Variants in APOBEC3D observed in about 807,000 individuals in gnomAD.
APOBEC3D encodes DNA dC->dU-editing enzyme APOBEC-3D.
A neutral mutation model predicts 45.6 loss-of-function variants in APOBEC3D; 37 were observed. The observed-to-expected ratio is 0.81, with a 90% CI of 0.62 to 1.07. The LOEUF is 1.07. APOBEC3D is among the 50% of genes least tolerant of loss of function. The pLI is 0.00. For synonymous variants in APOBEC3D, 175 were observed against 180.7 expected (o/e 0.97, Z 0.25); for missense variants, 496 against 495.3 (o/e 1.00, Z -0.01).
rs753610470 is a variant in APOBEC3D, at chr22:39,021,563, G to GC, written c.17+31dup. ...TACCGCTGCCCACTATGTCCGCAGG[G>GC]CCCCTCCGGCCCCTTCCTTCTGGTG... On this transcript the variant is annotated intron_variant, in intron 1 of 6. Coordinates refer to ENST00000216099, the MANE Select transcript of APOBEC3D (RefSeq NM_152426.4). 2.2e-5 allele frequency: 36 copies of GC among 1,611,816 alleles called. No individual in the cohort carries two copies. The Middle Eastern group carries it at 7.0e-4, about 31-fold the overall frequency.
chr22:39,021,826 C>A (rs956379361), intron 1 of APOBEC3D, among the ~76,000 whole-genome samples: 1 of 152,230 alleles, frequency 6.6e-6, no homozygotes, highest in Admixed American at 6.5e-5. Flanking sequence ...GAGGGTGCTC[C>A]CTCTGTGTGC....
At chr22:39,030,014 G>C (rs535583351) in intron 5 of APOBEC3D, among the ~76,000 whole-genome samples, 1 of 150,752 alleles carries the variant, frequency 6.6e-6, no homozygotes, top group Non-Finnish European at 1.5e-5. Context: ...CTTGTTTAGC[G>C]CCCAGCGCCC....
intron 4 of APOBEC3D, among the ~76,000 whole-genome samples, chr22:39,026,034 G>A (rs529880430): frequency 2.3e-4 from 35 of 152,324 alleles, no homozygotes; most frequent in Non-Finnish European, 4.0e-4. Flanking sequence ...CCCGACAGTC[G>A]GAAGCTTTGA....
chr22:39,032,166 C>T (rs1320989728), intron 6 of APOBEC3D, 32 bp from the exon 7 acceptor site: 5 of 1,607,970 alleles, frequency 3.1e-6, no homozygotes, highest in Non-Finnish European at 4.2e-6. Context: ...GCTTGCTGGG[C>T]CCTCACTGCT....
intron 4 of APOBEC3D, 44 bp from the exon 5 acceptor site, chr22:39,029,318 GC>G: frequency 6.2e-7 from 1 of 1,608,600 alleles, no homozygotes; most frequent in Non-Finnish European, 8.5e-7. Context: ...GTGGGCATCA[GC>G]TCCGAGGAAT....
At chr22:39,032,085 GGCCGGCGCCA>G (rs1746803310) in intron 6 of APOBEC3D, 103 bp from the exon 7 acceptor site, 1 of 1,582,444 alleles carries the variant, frequency 6.3e-7, no homozygotes, top group African/African-American at 1.3e-5. Context: ...GCAGGGATGG[GGCCGGCGCCA>G]GCTGCAACTG....
At chr22:39,024,216 G>T (rs553144792) in intron 2 of APOBEC3D, among the ~76,000 whole-genome samples, 4 of 152,338 alleles carry the variant, frequency 2.6e-5, no homozygotes, top group African/African-American at 9.6e-5. Flanking sequence ...TGAAATGAGT[G>T]GTGTATTTTT....
intron 4 of APOBEC3D, among the ~76,000 whole-genome samples, chr22:39,028,464 C>T (rs1458368777): frequency 6.6e-6 from 1 of 152,240 alleles, no homozygotes; most frequent in Non-Finnish European, 1.5e-5. Context: ...CCCCTGCAGG[C>T]CTCAGGCACA....
intron 4 of APOBEC3D, among the ~76,000 whole-genome samples, chr22:39,028,579 A>C (rs1569058979): frequency 1.3e-5 from 2 of 152,238 alleles, no homozygotes; most frequent in Non-Finnish European, 2.9e-5. Context: ...TGAAGCAGGC[A>C]GATCACGAAG....
At chr22:39,024,997 C>CAA in intron 2 of APOBEC3D, 73 bp from the exon 3 acceptor site, 3 of 630,814 alleles carry the variant, frequency 4.8e-6, no homozygotes. Flanking sequence ...CTGGCCCCTC[C>CAA]TCCCCCTGCC....
In APOBEC3D at chr22:39,021,414, A is replaced by G; in HGVS notation, c.-106A>G. On this transcript the variant is annotated 5_prime_UTR_variant, in exon 1 of 7. Transcript: ENST00000216099. Reference sequence around the variant, plus strand: ...AGCCACCGTGCCCGGCCGGGAGGTCACTTTAAGGAGGGCTGTCCAACTGCA... The same window carrying G: ...AGCCACCGTGCCCGGCCGGGAGGTCGCTTTAAGGAGGGCTGTCCAACTGCA... 2 of 1,556,996 alleles carry G rather than the reference A, an allele frequency of 1.3e-6. No homozygotes were observed. Among genetic ancestry groups the G allele is most frequent in the Non-Finnish European group, 8.8e-7 (1 of 1,132,596 alleles).
At chr22:39,028,926 C>T (rs144679688) in intron 4 of APOBEC3D, among the ~76,000 whole-genome samples, 8 of 151,938 alleles carry the variant, frequency 5.3e-5, no homozygotes, top group Non-Finnish European at 1.2e-4. Flanking sequence ...AGAGTGAGAC[C>T]GTGTGCAAAA....
rs565844562 is a variant in APOBEC3D, at chr22:39,032,733, C to G, written c.*417C>G. 3.1e-6 allele frequency: 1 copy of G among 320,014 alleles called. No individual in the cohort carries two copies. Among genetic ancestry groups the G allele is most frequent in the African/African-American group, 2.3e-5 (1 of 42,752 alleles). The allele number at this position is 320,014 out of a possible 1,614,324, so 19.8% of individuals were successfully genotyped here. A position where few individuals can be genotyped will look rare whatever the true frequency, so the allele number is the denominator to read the frequency against. On this transcript the variant is annotated 3_prime_UTR_variant, in exon 7 of 7. Coordinates refer to ENST00000216099, the MANE Select transcript of APOBEC3D (RefSeq NM_152426.4). The stretch of plus-strand genomic sequence containing the variant: ...CTCAGCTTCTGAGTAGCTGGGATTA[C>G]AGATGCCTGCCACCACGCCCAGCTA...
At chr22:39,030,377 A>G (rs1222844832) in intron 5 of APOBEC3D, among the ~76,000 whole-genome samples, 15 of 152,136 alleles carry the variant, frequency 9.9e-5, no homozygotes, top group Admixed American at 2.0e-4. Flanking sequence ...GGCCTGGCCT[A>G]CAGCAGTGCT....
At chr22:39,030,122 A>G (rs1216262761) in intron 5 of APOBEC3D, among the ~76,000 whole-genome samples, 1 of 150,306 alleles carries the variant, frequency 6.7e-6, no homozygotes, top group Admixed American at 6.6e-5. Context: ...TCTGGTGTCC[A>G]GCACTGTGCC....
At chr22:39,024,625 A>C (rs577529853) in intron 2 of APOBEC3D, among the ~76,000 whole-genome samples, 1 of 152,150 alleles carries the variant, frequency 6.6e-6, no homozygotes, top group East Asian at 1.9e-4. Context: ...GCACAGTCAC[A>C]TGGGGGTGAA....
At position 39,025,175 on chromosome 22, in the gene APOBEC3D, T is replaced by A; in HGVS notation, c.316T>A (p.Trp106Arg). The change falls in exon 3 of 7, where the codon TGG becomes AGG. Residue 106 changes from tryptophan (W) to arginine (R), a missense_variant. Coordinates refer to ENST00000216099, the MANE Select transcript of APOBEC3D (RefSeq NM_152426.4). ...CTTCCAGATCACCTGGTTTGTATCA[T>A]GGAACCCCTGCCTGCCCTGTGTGGT... is the stretch of plus-strand genomic sequence containing the variant. Reference protein sequence around the residue: ...RRFQITWFVSWNPCLPCVVKV... With the variant: ...RRFQITWFVSRNPCLPCVVKV... 1 of 1,614,134 alleles carries A rather than the reference T, an allele frequency of 6.2e-7. No individual in the cohort carries two copies. The highest frequency in any genetic ancestry group is 8.5e-7 in the Non-Finnish European group (1 of 1,179,990).
intron 1 of APOBEC3D, among the ~76,000 whole-genome samples, chr22:39,022,400 C>T (rs747140595): frequency 8.5e-5 from 13 of 152,220 alleles, no homozygotes; most frequent in Middle Eastern, 3.2e-3. Context: ...GAGGCCTGGG[C>T]CTCAGAATTC....
At chr22:39,022,410 C>T (rs1259623811) in intron 1 of APOBEC3D, among the ~76,000 whole-genome samples, 1 of 152,236 alleles carries the variant, frequency 6.6e-6, no homozygotes, top group Non-Finnish European at 1.5e-5. Context: ...CCTCAGAATT[C>T]GGTTCTACCA....
Sources: gnomAD v4.1 joint callset for allele counts (sites outside exome capture counted in the v4.1 genomes callset) on GRCh38, gnomAD v4.1.1 for gene constraint, MANE v1.5 for transcripts, NCBI Gene and HGNC (gene_info 2026-07-23, HGNC 2026-07-21) for gene names.